The following MSRA variants were observed in gnomAD, a reference collection of about 807,000 sequenced individuals.
MSRA encodes mitochondrial peptide methionine sulfoxide reductase.
A neutral mutation model predicts 31.3 loss-of-function variants in MSRA; 54 were observed. The ratio of observed to expected loss-of-function variants is 1.73; its 90% CI spans 1.39 to 2.17. MSRA has a LOEUF of 2.17. Ranked by LOEUF, MSRA falls within the 30% of genes most tolerant of loss-of-function variation. The pLI is 0.00. For synonymous variants in MSRA, 169 were observed against 116.5 expected (o/e 1.45, Z -2.90); for missense variants, 507 against 300.9 (o/e 1.69, Z -5.07).
intron 1 of MSRA, among the ~76,000 whole-genome samples, chr8:10,160,653 C>G (rs749391918): frequency 6.6e-6 from 1 of 152,062 alleles, no homozygotes; most frequent in Non-Finnish European, 1.5e-5. Flanking sequence ...CCTCAGCCTC[C>G]CGAGTAGCTG....
intron 5 of MSRA, among the ~76,000 whole-genome samples, chr8:10,345,361 G>A (rs1803703790): frequency 6.6e-6 from 1 of 152,178 alleles, no homozygotes; most frequent in Admixed American, 6.5e-5. Flanking sequence ...GCCTGAGTTT[G>A]AGGTATTTTC....
chr8:10,065,589 G>C (rs1182063156), intron 1 of MSRA, among the ~76,000 whole-genome samples: 2 of 152,172 alleles, frequency 1.3e-5, no homozygotes, highest in Non-Finnish European at 2.9e-5. Context: ...TGTAAGATAT[G>C]AACCAAAGGA....
chr8:10,280,493 C>T (rs1215435018), intron 3 of MSRA, among the ~76,000 whole-genome samples: 2 of 152,126 alleles, frequency 1.3e-5, no homozygotes, highest in African/African-American at 2.4e-5. Flanking sequence ...TTTAAAGTTA[C>T]CTTTTTGATA....
chr8:10,382,750 T>A (rs1344518457), intron 5 of MSRA, among the ~76,000 whole-genome samples: 1 of 152,230 alleles, frequency 6.6e-6, no homozygotes, highest in East Asian at 1.9e-4. Flanking sequence ...ATTTCTGGAC[T>A]CTTCTCCTTA....
rs78288892 is a variant in MSRA at position 10,426,342 on chromosome 8, G to C, written c.544-1806G>C. On this transcript the variant is annotated intron_variant, in intron 5 of 5. Transcript: ENST00000317173. ...CGGTGTTTACAGAATCGTTAGCAGG[G>C]CTGTTCGCGTGAAGGTCAGGGAAAA... Among the ~76,000 whole-genome samples the C allele has an allele frequency of 7.1e-4, 108 of 152,302 alleles. 1 individual carries two copies. The East Asian group carries it at 0.019, about 27-fold the overall frequency.
chr8:10,084,056 T>C (rs1337923694), intron 1 of MSRA, among the ~76,000 whole-genome samples: 1 of 152,200 alleles, frequency 6.6e-6, no homozygotes, highest in African/African-American at 2.4e-5. Flanking sequence ...ACTTGTGCAG[T>C]GTCACATCTT....
Position 10,424,493 on chromosome 8 carries a change from G to A in MSRA, c.544-3655G>A, listed in dbSNP as rs143451092. On this transcript the variant is annotated intron_variant, in intron 5 of 5. Transcript: ENST00000317173. ...TGGAGTGGGACGGGAAGAAGGACTC[G>A]GGATGGAATAGGATCGGGGAGAAGG... 3.4e-5 allele frequency among the ~76,000 whole-genome samples: 5 copies of A among 147,984 alleles called. No individual in the cohort carries two copies. In the East Asian group the frequency reaches 1.0e-3, roughly 30 times the overall value.
chr8:10,215,186 G>A (rs1478886084), intron 2 of MSRA, among the ~76,000 whole-genome samples: 1 of 152,214 alleles, frequency 6.6e-6, no homozygotes, highest in Non-Finnish European at 1.5e-5. Context: ...CATTTCGGTT[G>A]TAAGTAAGAA....
intron 3 of MSRA, among the ~76,000 whole-genome samples, chr8:10,280,758 C>T (rs1025683160): frequency 6.6e-6 from 1 of 152,176 alleles, no homozygotes; most frequent in African/African-American, 2.4e-5. Context: ...TCATAATAGC[C>T]ATAAAGTGGA....
chr8:10,352,747 G>A (rs1282138975), intron 5 of MSRA, among the ~76,000 whole-genome samples: 1 of 152,190 alleles, frequency 6.6e-6, no homozygotes, highest in Non-Finnish European at 1.5e-5. Context: ...ATCTGGTGCA[G>A]ACACGCTGCC....
At chr8:10,165,934 G>A (rs1037189535) in intron 1 of MSRA, among the ~76,000 whole-genome samples, 3 of 152,214 alleles carry the variant, frequency 2.0e-5, no homozygotes, top group Non-Finnish European at 4.4e-5. Flanking sequence ...GAGAAGCCAA[G>A]CAGACTGGCC....
chr8:10,258,465 C>T (rs1563278498), intron 3 of MSRA, among the ~76,000 whole-genome samples: 1 of 152,190 alleles, frequency 6.6e-6, no homozygotes, highest in African/African-American at 2.4e-5. Flanking sequence ...TTTCATCTCC[C>T]TATTCTTGTG....
intron 1 of MSRA, among the ~76,000 whole-genome samples, chr8:10,090,494 C>T (rs1402601572): frequency 3.3e-5 from 5 of 152,072 alleles, no homozygotes; most frequent in South Asian, 2.1e-4. Context: ...TTGTAACAGC[C>T]GTAAATACTG....
intron 5 of MSRA, among the ~76,000 whole-genome samples, chr8:10,389,168 CCAGT>C (rs1806579919): frequency 6.6e-6 from 1 of 152,160 alleles, no homozygotes; most frequent in African/African-American, 2.4e-5. Flanking sequence ...CACAGGCAAT[CCAGT>C]CAGTGTTTCT....
chr8:10,277,329 C>T (rs1263420299), intron 3 of MSRA, among the ~76,000 whole-genome samples: 1 of 152,182 alleles, frequency 6.6e-6, no homozygotes, highest in Non-Finnish European at 1.5e-5. Context: ...GAACACAGCT[C>T]TAGGAGTCAG....
chr8:10,423,239 C>T (rs992149413), intron 5 of MSRA, among the ~76,000 whole-genome samples: 1 of 152,210 alleles, frequency 6.6e-6, no homozygotes, highest in Non-Finnish European at 1.5e-5. Flanking sequence ...CTGCCTGCTC[C>T]TGAGGGCCAA....
At chr8:10,080,743 T>G (rs1157225288) in intron 1 of MSRA, among the ~76,000 whole-genome samples, 1 of 151,082 alleles carries the variant, frequency 6.6e-6, no homozygotes, top group Non-Finnish European at 1.5e-5. Flanking sequence ...CTCGCTATGT[T>G]GCCGAGGCTA....
intron 5 of MSRA, among the ~76,000 whole-genome samples, chr8:10,350,378 A>G (rs906090169): frequency 6.6e-6 from 1 of 152,204 alleles, no homozygotes; most frequent in Non-Finnish European, 1.5e-5. Flanking sequence ...GCGGGACTGG[A>G]CAGCGCCGGC....
chr8:10,335,982 T>C (rs1158201932), intron 5 of MSRA, among the ~76,000 whole-genome samples: 1 of 152,112 alleles, frequency 6.6e-6, no homozygotes, highest in African/African-American at 2.4e-5. Context: ...GCATGCTCTT[T>C]CCATTCTGTC....
Sources: gnomAD v4.1 joint callset for allele counts (sites outside exome capture counted in the v4.1 genomes callset) on GRCh38, gnomAD v4.1.1 for gene constraint, MANE v1.5 for transcripts, NCBI Gene and HGNC (gene_info 2026-07-23, HGNC 2026-07-21) for gene names.